ST6GALNAC3: variants seen among roughly 807,000 people sequenced by gnomAD.
ST6GALNAC3 encodes the protein alpha-N-acetylgalactosaminide alpha-2,6-sialyltransferase 3.
Under a neutral mutation model 32.7 loss-of-function variants are expected in ST6GALNAC3, and 25 were observed. The ratio of observed to expected loss-of-function variants is 0.76; its 90% CI spans 0.56 to 1.07. The LOEUF (loss-of-function observed/expected upper bound fraction) is 1.07. ST6GALNAC3 is among the 50% of genes least tolerant of loss of function. The pLI, the probability that ST6GALNAC3 is intolerant of heterozygous loss-of-function variation, is 0.00. For missense variants in ST6GALNAC3, 355 were observed against 382.4 expected (o/e 0.93, Z 0.60); for synonymous variants, 129 against 133.1 (o/e 0.97, Z 0.21).
intron 3 of ST6GALNAC3, among the ~76,000 whole-genome samples, chr1:76,441,102 A>AAAAT (rs1435701663): frequency 6.6e-6 from 1 of 151,650 alleles, no homozygotes; most frequent in East Asian, 1.9e-4. Flanking sequence ...AAAAAAAAAA[A>AAAAT]AAAAAATAAG....
intron 1 of ST6GALNAC3, among the ~76,000 whole-genome samples, chr1:76,113,080 C>A (rs1424860564): frequency 4.6e-5 from 7 of 152,228 alleles, no homozygotes; most frequent in Middle Eastern, 3.4e-3. Context: ...CTCCGTCTGC[C>A]ATCCCGGCAC....
intron 1 of ST6GALNAC3, among the ~76,000 whole-genome samples, chr1:76,184,601 AG>A (rs1365977386): frequency 6.6e-6 from 1 of 151,502 alleles, no homozygotes; most frequent in East Asian, 1.9e-4. Context: ...AGCTCTTCAG[AG>A]TTTGCCCGGG....
chr1:76,237,194 C>G (rs981546968), intron 1 of ST6GALNAC3, among the ~76,000 whole-genome samples: 3 of 152,322 alleles, frequency 2.0e-5, no homozygotes, highest in African/African-American at 7.2e-5. Context: ...AGTGCAGTGG[C>G]ACAATCTTTG....
At chr1:76,110,688 C>G (rs1245211796) in intron 1 of ST6GALNAC3, among the ~76,000 whole-genome samples, 2 of 152,234 alleles carry the variant, frequency 1.3e-5, no homozygotes, top group Admixed American at 6.5e-5. Flanking sequence ...AGTGGATGGT[C>G]TTGGCACAAC....
intron 3 of ST6GALNAC3, among the ~76,000 whole-genome samples, chr1:76,497,717 G>T (rs1268522849): frequency 6.6e-6 from 1 of 152,096 alleles, no homozygotes; most frequent in Non-Finnish European, 1.5e-5. Context: ...TGGAGAGGAG[G>T]CAGCTATGTG....
intron 2 of ST6GALNAC3, among the ~76,000 whole-genome samples, chr1:76,368,614 A>C (rs933675134): frequency 4.6e-5 from 7 of 152,078 alleles, no homozygotes; most frequent in Non-Finnish European, 1.0e-4. Flanking sequence ...CCTGGCACCT[A>C]ACACACAATG....
chr1:76,589,678 T>TA (rs1445374662), intron 3 of ST6GALNAC3, among the ~76,000 whole-genome samples: 2 of 151,720 alleles, frequency 1.3e-5, no homozygotes, highest in African/African-American at 2.4e-5. Context: ...ACTTGAGTAA[T>TA]ATTAAGAGAA....
At chr1:76,552,268 T>C (rs1664682528) in intron 3 of ST6GALNAC3, among the ~76,000 whole-genome samples, 1 of 152,150 alleles carries the variant, frequency 6.6e-6, no homozygotes, top group Admixed American at 6.5e-5. Context: ...GAGTCTGTGG[T>C]GGGAATGTGG....
intron 1 of ST6GALNAC3, chr1:76,307,987 G>A (rs1422874067): frequency 2.2e-6 from 1 of 455,652 alleles, no homozygotes; most frequent in African/African-American, 2.0e-5. Flanking sequence ...CAGCACAGAG[G>A]GGATTAAATT....
intron 1 of ST6GALNAC3, among the ~76,000 whole-genome samples, chr1:76,154,707 C>T (rs1166207955): frequency 5.3e-5 from 8 of 152,114 alleles, no homozygotes; most frequent in Non-Finnish European, 5.9e-5. Context: ...CTGGGCTGAT[C>T]TTGCTTATTT....
intron 2 of ST6GALNAC3, among the ~76,000 whole-genome samples, chr1:76,319,391 T>C (rs1250215753): frequency 6.6e-6 from 1 of 151,952 alleles, no homozygotes; most frequent in African/African-American, 2.4e-5. Flanking sequence ...ATATTTAGGA[T>C]CAGTTGCTGT....
intron 3 of ST6GALNAC3, among the ~76,000 whole-genome samples, chr1:76,523,086 C>T (rs1349560196): frequency 6.6e-6 from 1 of 152,100 alleles, no homozygotes; most frequent in Non-Finnish European, 1.5e-5. Flanking sequence ...CTGACCCAAC[C>T]TTGATATCTG....
intron 3 of ST6GALNAC3, among the ~76,000 whole-genome samples, chr1:76,564,881 T>C (rs1273726599): frequency 6.6e-6 from 1 of 152,128 alleles, no homozygotes; most frequent in African/African-American, 2.4e-5. Flanking sequence ...ATTTTTATTA[T>C]TCTGAAACTG....
At chr1:76,080,908 T>G (rs1646885422) in intron 1 of ST6GALNAC3, among the ~76,000 whole-genome samples, 1 of 152,210 alleles carries the variant, frequency 6.6e-6, no homozygotes, top group African/African-American at 2.4e-5. Context: ...ATTTCCAGTC[T>G]TACAGTGACT....
At chr1:76,379,591 C>T (rs1294669169) in intron 2 of ST6GALNAC3, among the ~76,000 whole-genome samples, 1 of 152,102 alleles carries the variant, frequency 6.6e-6, no homozygotes, top group Non-Finnish European at 1.5e-5. Context: ...AGAACTGAGC[C>T]TGCACTGGAG....
intron 3 of ST6GALNAC3, among the ~76,000 whole-genome samples, chr1:76,540,211 A>C (rs922443602): frequency 6.6e-6 from 1 of 152,194 alleles, no homozygotes; most frequent in Non-Finnish European, 1.5e-5. Flanking sequence ...TTGCAGGGAC[A>C]TGGATGAAGC....
rs141546197 is a variant in ST6GALNAC3, at chr1:76,537,732, A to G, written c.624-89720A>G. ...ATGCAAACTACCATCAGAGGATACT[A>G]TAAATACCTCTGTGCAAATTAACTA... On this transcript the variant is annotated intron_variant, in intron 3 of 4. Transcript: ENST00000328299. Among the ~76,000 whole-genome samples, 451 of 152,342 alleles carry G rather than the reference A, an allele frequency of 3.0e-3. 1 individual carries two copies. Among genetic ancestry groups the G allele is most frequent in the African/African-American group, 0.01 (432 of 41,592 alleles).
chr1:76,482,436 A>C (rs1312442602), intron 3 of ST6GALNAC3, among the ~76,000 whole-genome samples: 1 of 152,212 alleles, frequency 6.6e-6, no homozygotes, highest in African/African-American at 2.4e-5. Context: ...TGTGTAATTC[A>C]CTGGGAAGCA....
intron 1 of ST6GALNAC3, among the ~76,000 whole-genome samples, chr1:76,215,277 A>G (rs1477555303): frequency 6.6e-6 from 1 of 152,248 alleles, no homozygotes; most frequent in African/African-American, 2.4e-5. Context: ...GAGGACATGT[A>G]GTTTAACCTC....
Sources: gnomAD v4.1 joint callset for allele counts (sites outside exome capture counted in the v4.1 genomes callset) on GRCh38, gnomAD v4.1.1 for gene constraint, MANE v1.5 for transcripts, NCBI Gene and HGNC (gene_info 2026-07-23, HGNC 2026-07-21) for gene names.